Variants in TSPAN18 observed in about 807,000 individuals in gnomAD.
TSPAN18 encodes the protein tetraspanin-18.
TSPAN18 carries 14 observed loss-of-function variants against 27.3 expected under a neutral mutation model. The observed-to-expected ratio is 0.51, with a 90% CI of 0.34 to 0.80. TSPAN18 has a LOEUF of 0.80. Among genes scored for constraint, TSPAN18 ranks in the 30% least tolerant of loss-of-function variants. The pLI, the probability that TSPAN18 is intolerant of heterozygous loss-of-function variation, is 0.01. For missense variants in TSPAN18, 268 were observed against 323.9 expected, an observed-to-expected ratio of 0.83 and a Z score of 1.32; for synonymous variants, 143 against 136.5, an observed-to-expected ratio of 1.05 and a Z score of -0.33.
At chr11:44,870,312 C>A (rs1858158757) in intron 3 of TSPAN18, among the ~76,000 whole-genome samples, 1 of 152,180 alleles carries the variant, frequency 6.6e-6, no homozygotes, top group Non-Finnish European at 1.5e-5. Flanking sequence ...TTTGCCTTTT[C>A]TGGACATTTC....
intron 2 of TSPAN18, among the ~76,000 whole-genome samples, chr11:44,783,330 A>C (rs1201383444): frequency 5.3e-5 from 8 of 152,216 alleles, no homozygotes; most frequent in Admixed American, 5.2e-4. Context: ...TAGGAAAATG[A>C]ATAGGAAAGC....
intron 3 of TSPAN18, among the ~76,000 whole-genome samples, chr11:44,895,517 C>T (rs886741964): frequency 2.6e-5 from 4 of 152,166 alleles, no homozygotes; most frequent in African/African-American, 9.7e-5. Context: ...ACTGGGCTGT[C>T]CTCTTCCAGG....
intron 8 of TSPAN18, among the ~76,000 whole-genome samples, chr11:44,921,609 C>T (rs1565013689): frequency 6.6e-6 from 1 of 152,140 alleles, no homozygotes. Flanking sequence ...AGGGAGGTGG[C>T]CCCTAGGATG....
intron 2 of TSPAN18, among the ~76,000 whole-genome samples, chr11:44,789,855 G>A (rs550372033): frequency 2.7e-4 from 41 of 152,324 alleles, no homozygotes; most frequent in African/African-American, 9.4e-4. Flanking sequence ...AGGCAGCCCT[G>A]CCCTCCTCCT....
chr11:44,808,901 C>T (rs1351323712), intron 2 of TSPAN18, among the ~76,000 whole-genome samples: 1 of 152,120 alleles, frequency 6.6e-6, no homozygotes, highest in Non-Finnish European at 1.5e-5. Flanking sequence ...ATGCGGTTCT[C>T]AGGTGTCATC....
intron 8 of TSPAN18, 118 bp from the exon 9 acceptor site, chr11:44,926,556 C>T (rs997227104): frequency 6.7e-6 from 6 of 890,298 alleles, no homozygotes; most frequent in South Asian, 1.4e-5. Flanking sequence ...TCTCAGCAGC[C>T]GTGTGATAGG....
intron 2 of TSPAN18, among the ~76,000 whole-genome samples, chr11:44,844,182 C>T (rs1452205699): frequency 6.6e-6 from 1 of 152,226 alleles, no homozygotes; most frequent in East Asian, 1.9e-4. Context: ...TCTGTCATGG[C>T]TTCAGCCGGT....
rs758690157 is a variant in TSPAN18, at chr11:44,919,354, G to A, written c.432+42G>A. 7.2e-5 allele frequency: 111 copies of A among 1,536,634 alleles called. No homozygotes were observed. In the East Asian group the frequency reaches 2.0e-3, roughly 28 times the overall value. Reference sequence around the variant, plus strand: ...AGATGCTATGAACATTCAGAGCCACGATGCCCAGTGTTCACATGCCCACGC... The same window carrying A: ...AGATGCTATGAACATTCAGAGCCACAATGCCCAGTGTTCACATGCCCACGC... On this transcript the variant is annotated intron_variant, in intron 7 of 9. Transcript: ENST00000520358.
intron 3 of TSPAN18, among the ~76,000 whole-genome samples, chr11:44,874,903 G>A (rs545884298): frequency 1.2e-4 from 18 of 152,350 alleles, no homozygotes; most frequent in African/African-American, 3.8e-4. Flanking sequence ...GAGGAGGGAC[G>A]GAAACAGACA....
intron 3 of TSPAN18, among the ~76,000 whole-genome samples, chr11:44,900,391 C>A (rs1276924097): frequency 6.6e-6 from 1 of 152,204 alleles, no homozygotes; most frequent in African/African-American, 2.4e-5. Context: ...ATTGAGAATG[C>A]TGATTAGGAG....
chr11:44,879,437 C>T (rs1215796626), intron 3 of TSPAN18, among the ~76,000 whole-genome samples: 1 of 152,140 alleles, frequency 6.6e-6, no homozygotes, highest in Non-Finnish European at 1.5e-5. Context: ...AGGGGACAGA[C>T]AGTGATGGAG....
intron 8 of TSPAN18, among the ~76,000 whole-genome samples, chr11:44,922,450 C>T (rs1253281188): frequency 2.0e-5 from 3 of 152,072 alleles, no homozygotes; most frequent in Non-Finnish European, 2.9e-5. Context: ...CTGGCAGGCC[C>T]ATGGCAAGGA....
chr11:44,791,011 C>T (rs544913701), intron 2 of TSPAN18, among the ~76,000 whole-genome samples: 8 of 152,204 alleles, frequency 5.3e-5, no homozygotes, highest in Non-Finnish European at 1.2e-4. Context: ...CAGAGTCTAT[C>T]CTGAGACTTC....
At chr11:44,737,096 G>A (rs1854814499) in intron 1 of TSPAN18, among the ~76,000 whole-genome samples, 1 of 152,214 alleles carries the variant, frequency 6.6e-6, no homozygotes, top group Non-Finnish European at 1.5e-5. Context: ...TAGATTCTTA[G>A]CTATAGCTTC....
At chr11:44,792,153 A>G (rs978504380) in intron 2 of TSPAN18, among the ~76,000 whole-genome samples, 3 of 152,178 alleles carry the variant, frequency 2.0e-5, no homozygotes, top group African/African-American at 7.2e-5. Context: ...TATATTTCTT[A>G]TTGGCTCATA....
chr11:44,788,853 G>C (rs995842633), intron 2 of TSPAN18, among the ~76,000 whole-genome samples: 5 of 152,232 alleles, frequency 3.3e-5, no homozygotes, highest in African/African-American at 1.2e-4. Flanking sequence ...TCATATGTCA[G>C]AGCTGATTTT....
chr11:44,761,574 C>T lies in TSPAN18; in HGVS notation c.-239-2852C>T, dbSNP rs187815394. 5.3e-5 allele frequency among the ~76,000 whole-genome samples: 8 copies of T among 152,280 alleles called. No individual in the cohort carries two copies. The East Asian group carries it at 9.7e-4, about 18-fold the overall frequency. ...AGGCTGCAGGAAGGCAAAATTCCACCGAAGACGGGAGACAGCTTAAGGCTC... is the reference window on the plus strand; with the variant it reads ...AGGCTGCAGGAAGGCAAAATTCCACTGAAGACGGGAGACAGCTTAAGGCTC... On this transcript the variant is annotated intron_variant, in intron 1 of 9. Transcript: ENST00000520358.
chr11:44,894,478 G>C lies in TSPAN18; in HGVS notation c.-10-11929G>C, dbSNP rs190100454. On this transcript the variant is annotated intron_variant, in intron 3 of 9. Coordinates refer to ENST00000520358, the MANE Select transcript of TSPAN18 (RefSeq NM_130783.5). The stretch of plus-strand genomic sequence containing the variant: ...AGAAAGCATGCCTGGGGGCGGGGGG[G>C]AGTGAAAGTAAAAGGAGTGATTTAT... 2.7e-3 allele frequency among the ~76,000 whole-genome samples: 412 copies of C among 152,360 alleles called. 1 individual carries two copies. The highest frequency in any genetic ancestry group is 4.9e-3 in the Non-Finnish European group (332 of 68,022).
intron 3 of TSPAN18, among the ~76,000 whole-genome samples, chr11:44,899,462 GAACA>G (rs1013042099): frequency 1.3e-5 from 2 of 152,202 alleles, no homozygotes; most frequent in African/African-American, 4.8e-5. Context: ...GAGCACCATT[GAACA>G]CAGTCACTCT....
Sources: gnomAD v4.1 joint callset for allele counts (sites outside exome capture counted in the v4.1 genomes callset) on GRCh38, gnomAD v4.1.1 for gene constraint, MANE v1.5 for transcripts, NCBI Gene and HGNC (gene_info 2026-07-23, HGNC 2026-07-21) for gene names.